The following ZFPM1 variants were observed in gnomAD, a reference collection of about 807,000 sequenced individuals.
ZFPM1 encodes the protein zinc finger protein, FOG family member 1.
A neutral mutation model predicts 46.3 loss-of-function variants in ZFPM1; 28 were observed. That is an observed-to-expected ratio of 0.60 (90% confidence interval 0.45 to 0.83). ZFPM1 has a LOEUF of 0.83. ZFPM1 is among the 40% of genes least tolerant of loss of function. The pLI is 0.00. For missense variants in ZFPM1, 1,878 were observed against 1,432.4 expected (o/e 1.31, Z -5.02); for synonymous variants, 957 against 675.9 (o/e 1.42, Z -6.45).
At chr16:88,514,288 ACTG>A in intron 3 of ZFPM1, 96 bp from the exon 4 acceptor site, 6 of 1,509,934 alleles carry the variant, frequency 4.0e-6, no homozygotes, top group Non-Finnish European at 5.3e-6. Context: ...GGCCCCCAGG[ACTG>A]CCACCCTCCA....
At chr16:88,452,904 A>T (rs891757060), upstream of ZFPM1, among the ~76,000 whole-genome samples, 1 of 150,854 alleles carries the variant, frequency 6.6e-6, no homozygotes, top group Non-Finnish European at 1.5e-5. Context: ...TGGGGACATG[A>T]CCTCCGGGCC....
At position 88,534,242 on chromosome 16, in the gene ZFPM1, C is replaced by T. The variant is rs1913080771; in HGVS notation, c.2284C>T (p.His762Tyr). 2 of 1,005,690 alleles carry T rather than the reference C, an allele frequency of 2.0e-6. No homozygotes were observed. The highest frequency in any genetic ancestry group is 2.4e-6 in the Non-Finnish European group (2 of 845,326). The allele number at this position is 1,005,690 out of a possible 1,614,324, so 62.3% of individuals were successfully genotyped here. ...CGCCCCGCCCCCCCCGCCGCCCGGCCACGCCCCCGCGCCCGAGTCGCCGCG... is the reference window on the plus strand; with the variant it reads ...CGCCCCGCCCCCCCCGCCGCCCGGCTACGCCCCCGCGCCCGAGTCGCCGCG... ...AGAPPPPPPG[H>Y]APAPESPRPG... The change falls in exon 10 of 10, where the codon CAC becomes TAC. Residue 762 changes from histidine to tyrosine, a missense_variant. Coordinates refer to ENST00000319555, the MANE Select transcript of ZFPM1 (RefSeq NM_153813.3).
At chr16:88,516,291 C>A in intron 4 of ZFPM1, 1 of 398,294 alleles carries the variant, frequency 2.5e-6, no homozygotes, top group South Asian at 1.3e-4. Context: ...GCCCTTTGCC[C>A]TAGCTGCAGT....
chr16:88,504,922 C>T (rs1910566731), intron 3 of ZFPM1, among the ~76,000 whole-genome samples: 1 of 152,176 alleles, frequency 6.6e-6, no homozygotes, highest in Admixed American at 6.5e-5. Context: ...TGCGAGGGCC[C>T]CCAGGTCCCT....
chr16:88,498,271 G>A (rs988246589), intron 3 of ZFPM1, among the ~76,000 whole-genome samples: 3 of 152,200 alleles, frequency 2.0e-5, no homozygotes, highest in African/African-American at 4.8e-5. Context: ...GACAGAACCC[G>A]AGGAGGGGCT....
chr16:88,482,629 TGTC>T (rs1201228342), intron 1 of ZFPM1, among the ~76,000 whole-genome samples: 1 of 152,116 alleles, frequency 6.6e-6, no homozygotes, highest in Non-Finnish European at 1.5e-5. Context: ...CACAGGGCTG[TGTC>T]TCCTGTGGGC....
At chr16:88,481,943 G>C (rs1340416981) in intron 1 of ZFPM1, among the ~76,000 whole-genome samples, 1 of 151,238 alleles carries the variant, frequency 6.6e-6, no homozygotes, top group Non-Finnish European at 1.5e-5. Context: ...CTGAGGACGC[G>C]GGCAGGCTGC....
chr16:88,454,909 G>A (rs1907468303), intron 1 of ZFPM1, among the ~76,000 whole-genome samples: 1 of 152,132 alleles, frequency 6.6e-6, no homozygotes, highest in African/African-American at 2.4e-5. Context: ...CCTTGTGCGG[G>A]GCCTGTGGGA....
chr16:88,468,215 C>T (rs1163089943), intron 1 of ZFPM1, among the ~76,000 whole-genome samples: 1 of 148,676 alleles, frequency 6.7e-6, no homozygotes, highest in Admixed American at 6.7e-5. Context: ...CACCCGCGAG[C>T]CCACCGCCCC....
chr16:88,501,443 TC>T (rs1910306161), intron 3 of ZFPM1, among the ~76,000 whole-genome samples: 1 of 123,986 alleles, frequency 8.1e-6, no homozygotes. Flanking sequence ...GCGGGGGCCA[TC>T]CCGCAGGTGC....
intron 6 of ZFPM1, among the ~76,000 whole-genome samples, chr16:88,529,831 C>A (rs925142225): frequency 2.6e-5 from 4 of 152,132 alleles, no homozygotes; most frequent in African/African-American, 9.7e-5. Flanking sequence ...GCCAGCTGGC[C>A]AGAGGGGGAT....
At chr16:88,527,892 C>T in intron 5 of ZFPM1, 140 bp from the exon 6 acceptor site, 3 of 796,220 alleles carry the variant, frequency 3.8e-6, no homozygotes, top group Non-Finnish European at 5.7e-6. Flanking sequence ...GCCCCCCAGG[C>T]AGGATGGCCC....
intron 1 of ZFPM1, among the ~76,000 whole-genome samples, chr16:88,457,572 G>A (rs138405444): frequency 2.1e-4 from 32 of 152,274 alleles, no homozygotes; most frequent in Middle Eastern, 3.4e-3. Context: ...TGATGCTTAG[G>A]CTGCGAAGCC....
intron 1 of ZFPM1, among the ~76,000 whole-genome samples, chr16:88,457,841 C>A (rs1360859277): frequency 6.6e-6 from 1 of 152,036 alleles, no homozygotes; most frequent in Non-Finnish European, 1.5e-5. Flanking sequence ...ACTCTCAAGG[C>A]CCCCCACCCC....
intron 4 of ZFPM1, among the ~76,000 whole-genome samples, chr16:88,514,897 T>C (rs1398186403): frequency 6.6e-6 from 1 of 152,062 alleles, no homozygotes; most frequent in Non-Finnish European, 1.5e-5. Context: ...AGCGAGAGGG[T>C]AGTTCTGTGT....
chr16:88,453,072 C>T (rs1282209075), upstream of ZFPM1, among the ~76,000 whole-genome samples: 2 of 147,048 alleles, frequency 1.4e-5, no homozygotes, highest in Non-Finnish European at 3.0e-5. Context: ...CCGTAAAGAG[C>T]GAGGCGGGCG....
At chr16:88,525,448 G>A (rs1456237442) in intron 4 of ZFPM1, among the ~76,000 whole-genome samples, 1 of 152,226 alleles carries the variant, frequency 6.6e-6, no homozygotes, top group African/African-American at 2.4e-5. Context: ...AGGTGACACT[G>A]GCTTTTCAGG....
intron 1 of ZFPM1, among the ~76,000 whole-genome samples, chr16:88,460,931 AGGCCTGGT>A (rs1567525340): frequency 2.0e-4 from 11 of 55,018 alleles, no homozygotes; most frequent in East Asian, 1.2e-3. Context: ...GCGGGGCGGG[AGGCCTGGT>A]GATGACCGAG....
rs1189936794 is a variant in ZFPM1 at position 88,514,632 on chromosome 16, T to A, written c.402+112T>A. 13 of 1,341,138 alleles carry A rather than the reference T, an allele frequency of 9.7e-6. No homozygotes were observed. The South Asian group carries it at 1.5e-4, about 15-fold the overall frequency. The allele number at this position is 1,341,138 out of a possible 1,614,324, so 83.1% of individuals were successfully genotyped here. A position where few individuals can be genotyped will look rare whatever the true frequency, so the allele number is the denominator to read the frequency against. On this transcript the variant is annotated intron_variant, in intron 4 of 9. Transcript: ENST00000319555. ...CTCCGGGGCTCTGGCCACTTGAAGATGTGGGCCTGAGATATTGGGACCTGG... is the reference window on the plus strand; with the variant it reads ...CTCCGGGGCTCTGGCCACTTGAAGAAGTGGGCCTGAGATATTGGGACCTGG...
Sources: allele counts gnomAD v4.1 joint callset (sites outside exome capture counted in the v4.1 genomes callset), GRCh38; gene constraint gnomAD v4.1.1; transcripts MANE v1.5; gene names NCBI Gene and HGNC (gene_info 2026-07-23, HGNC 2026-07-21).